The following BAAT variants were observed in gnomAD, a reference collection of about 807,000 sequenced individuals.
BAAT encodes bile acid CoA: amino acid N-acyltransferase (glycine N-choloyltransferase).
In BAAT, 13 loss-of-function variants were observed where a neutral mutation model predicts 18.9. The observed-to-expected ratio is 0.69, with a 90% CI of 0.45 to 1.10. The LOEUF (loss-of-function observed/expected upper bound fraction) is 1.10, where lower values mean the gene tolerates loss of function less well. Ranked by LOEUF, BAAT falls within the 50% of genes least tolerant of loss-of-function variation. The probability of loss-of-function intolerance (pLI) is 0.00; values close to 1 mark genes in which losing one functional copy is unlikely to be tolerated. For missense variants in BAAT, 489 were observed against 504.0 expected (o/e 0.97, Z 0.28); for synonymous variants, 170 against 190.7 (o/e 0.89, Z 0.89).
intron 1 of BAAT, among the ~76,000 whole-genome samples, chr9:101,372,120 T>A (rs1259481662): frequency 6.6e-6 from 1 of 151,938 alleles, no homozygotes; most frequent in East Asian, 1.9e-4. Context: ...CACACGGACA[T>A]TGGGAACAGA....
intron 1 of BAAT, among the ~76,000 whole-genome samples, chr9:101,378,632 G>GA (rs1830085033): frequency 6.6e-6 from 1 of 152,128 alleles, no homozygotes; most frequent in Non-Finnish European, 1.5e-5. Context: ...AACCCTAGAA[G>GA]AAAACCTAAG....
At chr9:101,366,766 C>T (rs1829835977) in intron 3 of BAAT, among the ~76,000 whole-genome samples, 2 of 131,470 alleles carry the variant, frequency 1.5e-5, no homozygotes, top group Admixed American at 1.6e-4. Flanking sequence ...GTAATTGTTG[C>T]TTATCTTATT....
Position 101,362,075 on chromosome 9 carries a change from C to A in BAAT, c.*353G>T. ...ATAAATTCTTACTATATAGTGTTTTCTGACATGGTATTTGGTTTTATATCT... is the reference window on the plus strand; with the variant it reads ...ATAAATTCTTACTATATAGTGTTTTATGACATGGTATTTGGTTTTATATCT... On this transcript the variant is annotated 3_prime_UTR_variant, in exon 4 of 4. Coordinates refer to ENST00000259407, the MANE Select transcript of BAAT (RefSeq NM_001701.4). 1 of 322,312 alleles carries A rather than the reference C, an allele frequency of 3.1e-6. No homozygotes were observed. 20.0% of individuals were successfully genotyped at this position (322,312 alleles called of 1,614,324 possible).
chr9:101,368,446 T>C, intron 2 of BAAT, 124 bp from the exon 3 acceptor site: 1 of 915,308 alleles, frequency 1.1e-6, no homozygotes. Flanking sequence ...AAATAAAAGA[T>C]AATAAAAACA....
At chr9:101,378,218 G>GA (rs1321851097) in intron 1 of BAAT, among the ~76,000 whole-genome samples, 2 of 151,510 alleles carry the variant, frequency 1.3e-5, no homozygotes, top group East Asian at 3.9e-4. Flanking sequence ...CACAGAACTA[G>GA]AAAAAACTAC....
intron 1 of BAAT, among the ~76,000 whole-genome samples, chr9:101,378,824 T>G (rs1400332184): frequency 6.6e-6 from 1 of 152,206 alleles, no homozygotes; most frequent in South Asian, 2.1e-4. Flanking sequence ...GTTTGCAGTC[T>G]ATCCATCTGA....
chr9:101,374,316 T>C (rs1439908368), intron 1 of BAAT, among the ~76,000 whole-genome samples: 1 of 152,206 alleles, frequency 6.6e-6, no homozygotes, highest in Non-Finnish European at 1.5e-5. Flanking sequence ...CCCTATCAGA[T>C]TAACTTTGTA....
intron 1 of BAAT, chr9:101,375,995 G>A (rs1830037525): frequency 6.5e-6 from 1 of 152,720 alleles, no homozygotes; most frequent in African/African-American, 2.4e-5. Flanking sequence ...TTCCGACTAC[G>A]TTATCCAGCA....
At chr9:101,379,951 A>G (rs1282548549) in intron 1 of BAAT, among the ~76,000 whole-genome samples, 2 of 152,202 alleles carry the variant, frequency 1.3e-5, no homozygotes, top group Non-Finnish European at 2.9e-5. Flanking sequence ...GATTCAAGAA[A>G]GCCTATGCAT....
intron 1 of BAAT, among the ~76,000 whole-genome samples, chr9:101,375,073 G>A (rs997223263): frequency 1.3e-5 from 2 of 152,162 alleles, no homozygotes; most frequent in Non-Finnish European, 2.9e-5. Flanking sequence ...GCAGGGCCAG[G>A]TGGAAATAAA....
intron 1 of BAAT, among the ~76,000 whole-genome samples, chr9:101,380,032 C>T (rs1355903697): frequency 1.3e-5 from 2 of 152,174 alleles, no homozygotes; most frequent in African/African-American, 2.4e-5. Context: ...TAAAGCTGTA[C>T]AATATCAAGC....
rs562745572 is a variant in BAAT at position 101,367,751 on chromosome 9, G to T, written c.669+369C>A. Reference sequence around the variant, plus strand: ...TCCTCCCATCTTGGCCTCCCAGAGTGCTAGAATTACAGGCTTGAGCCATCA... The same window carrying T: ...TCCTCCCATCTTGGCCTCCCAGAGTTCTAGAATTACAGGCTTGAGCCATCA... On this transcript the variant is annotated intron_variant, in intron 3 of 3. Coordinates refer to ENST00000259407, the MANE Select transcript of BAAT (RefSeq NM_001701.4). 2.6e-5 allele frequency among the ~76,000 whole-genome samples: 4 copies of T among 152,228 alleles called. No individual in the cohort carries two copies. In the South Asian group the frequency reaches 8.3e-4, roughly 32 times the overall value.
rs1829865901 is a variant in BAAT, at chr9:101,368,189, G to C, written c.600C>G (p.Pro200=). The C allele has an allele frequency of 6.2e-7, 1 of 1,614,144 alleles. No individual in the cohort carries two copies. The highest frequency in any genetic ancestry group is 1.1e-5 in the South Asian group (1 of 91,082). ...ALAYHNYEDL[P]RKPEVTDLEY... is the part of the protein sequence containing the mutation. Reference sequence around the variant, plus strand: ...CCAAATCTGTTACTTCTGGTTTGCGGGGCAGGTCTTCATAGTTATGGTAAG... The same window carrying C: ...CCAAATCTGTTACTTCTGGTTTGCGCGGCAGGTCTTCATAGTTATGGTAAG... Residue 200 remains proline, a synonymous_variant, in exon 3 of 4, where the codon CCC becomes CCG. Coordinates refer to ENST00000259407, the MANE Select transcript of BAAT (RefSeq NM_001701.4).
intron 1 of BAAT, chr9:101,383,466 G>A (rs1316848126): frequency 2.0e-5 from 3 of 152,092 alleles, no homozygotes; most frequent in South Asian, 4.1e-4. Flanking sequence ...AAAATACAAA[G>A]TACCTGGATT....
At chr9:101,376,644 A>G (rs1202735444) in intron 1 of BAAT, 1 of 152,290 alleles carries the variant, frequency 6.6e-6, no homozygotes, top group Non-Finnish European at 1.5e-5. Flanking sequence ...AGAGAAGGCC[A>G]CAGTTGGAGG....
At chr9:101,363,093 C>G (rs1829767127) in intron 3 of BAAT, 78 bp from the exon 4 acceptor site, 1 of 1,353,764 alleles carries the variant, frequency 7.4e-7, no homozygotes, top group South Asian at 1.2e-5. Context: ...AACCAAAGAA[C>G]TTCACTGGCT....
chr9:101,379,334 G>A (rs1483142538), intron 1 of BAAT, among the ~76,000 whole-genome samples: 3 of 152,110 alleles, frequency 2.0e-5, no homozygotes, highest in African/African-American at 7.2e-5. Context: ...GGAACCTCCA[G>A]TTATTTGGAA....
chr9:101,370,629 A>C (rs7037661), intron 2 of BAAT, among the ~76,000 whole-genome samples: 152,140 of 152,154 alleles, frequency 1, 76,063 homozygotes, highest in Middle Eastern at 1. Flanking sequence ...TGTAGGGACT[A>C]CATAAACTAT....
intron 1 of BAAT, 142 bp from the exon 2 acceptor site, chr9:101,371,605 T>G (rs1238328281): frequency 1.6e-6 from 1 of 619,052 alleles, no homozygotes; most frequent in Non-Finnish European, 2.8e-6. Context: ...AGTCTTCTAG[T>G]ACAAGACACC....
Sources: gnomAD v4.1 joint callset for allele counts (sites outside exome capture counted in the v4.1 genomes callset) on GRCh38, gnomAD v4.1.1 for gene constraint, MANE v1.5 for transcripts, NCBI Gene and HGNC (gene_info 2026-07-23, HGNC 2026-07-21) for gene names.